MCUB: variants seen among roughly 807,000 people sequenced by gnomAD.
MCUB encodes calcium uniporter regulatory subunit MCUb, mitochondrial.
Under a neutral mutation model 41.4 loss-of-function variants are expected in MCUB, and 46 were observed. That is an observed-to-expected ratio of 1.11 (90% CI 0.88 to 1.42). The LOEUF (loss-of-function observed/expected upper bound fraction) is 1.42. Among genes scored for constraint, MCUB ranks in the 40% most tolerant of loss-of-function variants. The pLI is 0.00. For synonymous variants in MCUB, 148 were observed against 148.2 expected (o/e 1.00, Z 0.01); for missense variants, 403 against 404.9 (o/e 1.00, Z 0.04).
chr4:109,597,098 A>G (rs567798878), intron 1 of MCUB, among the ~76,000 whole-genome samples: 3,534 of 151,030 alleles, frequency 0.023, 33 homozygotes, highest in South Asian at 0.067. Flanking sequence ...TTTTCTTAGT[A>G]CAGAACAAAA....
At chr4:109,678,442 G>A (rs1411153308) in intron 4 of MCUB, among the ~76,000 whole-genome samples, 3 of 138,936 alleles carry the variant, frequency 2.2e-5, no homozygotes, top group Admixed American at 7.2e-5. Context: ...GATGATGGGC[G>A]GGCGGGCAGA....
chr4:109,684,962 C>T, intron 6 of MCUB: 1 of 389,012 alleles, frequency 2.6e-6, no homozygotes, highest in Non-Finnish European at 4.6e-6. Flanking sequence ...AGCTTTGCCT[C>T]ATGGTTATTT....
intron 1 of MCUB, among the ~76,000 whole-genome samples, chr4:109,636,936 C>CT (rs1728608825): frequency 6.6e-6 from 1 of 152,168 alleles, no homozygotes; most frequent in African/African-American, 2.4e-5. Flanking sequence ...ATCTAGAGAC[C>CT]AGTAGTCCAG....
chr4:109,568,916 T>C (rs979424456), intron 1 of MCUB, among the ~76,000 whole-genome samples: 2 of 152,240 alleles, frequency 1.3e-5, no homozygotes, highest in South Asian at 4.1e-4. Context: ...CTTCGCAATT[T>C]CCTCTTCTCC....
chr4:109,612,541 T>C (rs913947018), intron 1 of MCUB, among the ~76,000 whole-genome samples: 4 of 151,968 alleles, frequency 2.6e-5, no homozygotes, highest in African/African-American at 9.7e-5. Flanking sequence ...GCTAGGATTA[T>C]AGGTGTGAGC....
chr4:109,586,887 G>A (rs182502434), intron 1 of MCUB, among the ~76,000 whole-genome samples: 1 of 152,308 alleles, frequency 6.6e-6, no homozygotes, highest in Non-Finnish European at 1.5e-5. Flanking sequence ...ACTGGGAGGT[G>A]TCTCCCAGTT....
Position 109,577,600 on chromosome 4 carries a change from T to C in MCUB, c.99+17164T>C, listed in dbSNP as rs890111835. 1.2e-4 allele frequency among the ~76,000 whole-genome samples: 5 copies of C among 43,112 alleles called. 2 individuals carry two copies. Among genetic ancestry groups the C allele is most frequent in the Non-Finnish European group, 2.5e-4 (5 of 19,680 alleles). The allele number at this position is 43,112 out of a possible 152,430, so 28.3% of individuals were successfully genotyped here. ...AGCCTAAAATGGGTACTTGAATTCT[T>C]TTTTTTTTTTTTTTTTTTTTTTTTT... On this transcript the variant is annotated intron_variant, in intron 1 of 7. Coordinates refer to ENST00000394650, the MANE Select transcript of MCUB (RefSeq NM_017918.5).
rs5030606 is a variant in MCUB, at chr4:109,687,811, G to A, written c.*219G>A. 296,242 of 511,294 alleles carry A rather than the reference G, an allele frequency of 0.58. 86,786 individuals carry two copies. The highest frequency in any genetic ancestry group is 0.69 in the African/African-American group (34,468 of 50,278). 31.7% of individuals were successfully genotyped at this position (511,294 alleles called of 1,614,324 possible). On this transcript the variant is annotated 3_prime_UTR_variant, in exon 8 of 8. Transcript: ENST00000394650. ...GCTTGTATGCGTCTATCAAAGCAAC[G>A]GTGGCTGCTGTTAGCTAAAAATCCT...
intron 1 of MCUB, among the ~76,000 whole-genome samples, chr4:109,599,660 C>T (rs1363513721): frequency 6.6e-6 from 1 of 151,008 alleles, no homozygotes; most frequent in Non-Finnish European, 1.5e-5. Flanking sequence ...TTATTAAAAT[C>T]ATGTTAATAT....
intron 1 of MCUB, among the ~76,000 whole-genome samples, chr4:109,612,259 TTTTC>T (rs1230146600): frequency 9.5e-6 from 1 of 105,314 alleles, no homozygotes; most frequent in African/African-American, 3.2e-5. Flanking sequence ...CTCCTCCTCC[TTTTC>T]TTTTTTTTTT....
intron 1 of MCUB, among the ~76,000 whole-genome samples, chr4:109,598,339 T>C (rs954213285): frequency 3.7e-4 from 57 of 152,052 alleles, no homozygotes; most frequent in Non-Finnish European, 7.8e-4. Context: ...CCGTCTGCAA[T>C]CCCGGCACCT....
chr4:109,569,245 A>G lies in MCUB; in HGVS notation c.99+8809A>G, dbSNP rs184549204. ...ATATTTTTAGTAGAGACGGGGTTTC[A>G]CCATGTTAGCCAGGATGGTCTCAAT... On this transcript the variant is annotated intron_variant, in intron 1 of 7. Transcript: ENST00000394650. Among the ~76,000 whole-genome samples the G allele has an allele frequency of 1.9e-3, 295 of 151,684 alleles. 2 individuals carry two copies. Among genetic ancestry groups the G allele is most frequent in the African/African-American group, 6.9e-3 (286 of 41,380 alleles).
In MCUB at chr4:109,567,389, G is replaced by A. The variant is rs114209775; in HGVS notation, c.99+6953G>A. ...ATGGTACTGTATGTGTTCCTGTGGG[G>A]CATGTACAGTACATACATGTTATGT... On this transcript the variant is annotated intron_variant, in intron 1 of 7. Transcript: ENST00000394650. Among the ~76,000 whole-genome samples the A allele has an allele frequency of 7.7e-3, 1,168 of 152,032 alleles. 5 individuals are homozygous for A. Among genetic ancestry groups the A allele is most frequent in the Non-Finnish European group, 0.012 (831 of 67,954 alleles).
At chr4:109,589,550 C>A (rs1727382973) in intron 1 of MCUB, among the ~76,000 whole-genome samples, 1 of 152,146 alleles carries the variant, frequency 6.6e-6, no homozygotes, top group Admixed American at 6.5e-5. Context: ...TACTTGCCAT[C>A]CTCCGTGCTG....
chr4:109,664,421 A>AC, intron 4 of MCUB, 27 bp downstream of exon 4: 2 of 745,450 alleles, frequency 2.7e-6, no homozygotes, highest in Non-Finnish European at 2.0e-6. Flanking sequence ...TCCAACTATT[A>AC]CTTTTTTTTT....
intron 1 of MCUB, among the ~76,000 whole-genome samples, chr4:109,643,508 T>G (rs1579079749): frequency 6.6e-6 from 1 of 150,646 alleles, no homozygotes; most frequent in East Asian, 2.0e-4. Context: ...TTATTTTTAT[T>G]TATTTATATT....
intron 1 of MCUB, among the ~76,000 whole-genome samples, chr4:109,591,376 G>A (rs946825448): frequency 2.6e-5 from 4 of 151,940 alleles, no homozygotes; most frequent in African/African-American, 9.7e-5. Flanking sequence ...AGTAGAAACA[G>A]GGTTTCACCA....
Position 109,685,243 on chromosome 4 carries a change from T to TC in MCUB, c.817-8_817-7insC, listed in dbSNP as rs1345223951. 1 of 1,156,074 alleles carries TC rather than the reference T, an allele frequency of 8.6e-7. No homozygotes were observed. Among genetic ancestry groups the TC allele is most frequent in the Non-Finnish European group, 1.3e-6 (1 of 776,566 alleles). The allele number at this position is 1,156,074 out of a possible 1,614,324, so 71.6% of individuals were successfully genotyped here. Reference sequence around the variant, plus strand: ...TGTTGTTTTCTTCTCTCTCTCTTTTTTTTTAAGGATTATACTTACTCAGCT... The same window carrying TC: ...TGTTGTTTTCTTCTCTCTCTCTTTTTCTTTTAAGGATTATACTTACTCAGCT... On this transcript the variant is annotated splice_polypyrimidine_tract_variant and splice_region_variant and intron_variant, in intron 6 of 7. Coordinates refer to ENST00000394650, the MANE Select transcript of MCUB (RefSeq NM_017918.5).
chr4:109,605,624 G>A (rs1727852422), intron 1 of MCUB, among the ~76,000 whole-genome samples: 1 of 152,112 alleles, frequency 6.6e-6, no homozygotes, highest in South Asian at 2.1e-4. Flanking sequence ...GTGAAAGTAT[G>A]GCGTTGAAGT....
Sources: allele counts gnomAD v4.1 joint callset (sites outside exome capture counted in the v4.1 genomes callset), GRCh38; gene constraint gnomAD v4.1.1; transcripts MANE v1.5; gene names NCBI Gene and HGNC (gene_info 2026-07-23, HGNC 2026-07-21).